The following HDAC9 variants were observed in gnomAD, a reference collection of about 807,000 sequenced individuals.
HDAC9 encodes the protein histone deacetylase 9.
A neutral mutation model predicts 139.4 loss-of-function variants in HDAC9; 41 were observed. The ratio of observed to expected loss-of-function variants is 0.29; its 90% CI spans 0.23 to 0.38. HDAC9 has a LOEUF of 0.38. HDAC9 is among the 10% of genes least tolerant of loss of function. The pLI is 1.00. For missense variants in HDAC9, 1,147 were observed against 1,297.0 expected (o/e 0.88, Z 1.78); for synonymous variants, 517 against 476.2 (o/e 1.09, Z -1.12).
At chr7:18,646,401 G>A (rs1787431566) in intron 9 of HDAC9, among the ~76,000 whole-genome samples, 1 of 152,112 alleles carries the variant, frequency 6.6e-6, no homozygotes, top group African/African-American at 2.4e-5. Flanking sequence ...ATGTGGTTTG[G>A]ATTAAAGTTT....
intron 4 of HDAC9, among the ~76,000 whole-genome samples, chr7:18,590,694 C>A (rs566828129): frequency 3.9e-4 from 59 of 152,240 alleles, no homozygotes; most frequent in African/African-American, 1.4e-3. Context: ...AAGAAGCAAA[C>A]GTAACATTAT....
At chr7:18,338,162 A>G (rs1458487366) in intron 1 of HDAC9, among the ~76,000 whole-genome samples, 1 of 151,758 alleles carries the variant, frequency 6.6e-6, no homozygotes, top group African/African-American at 2.4e-5. Context: ...AAGTAGAAAT[A>G]GAATGTGCAC....
intron 2 of HDAC9, among the ~76,000 whole-genome samples, chr7:18,533,759 T>A (rs1809873248): frequency 6.6e-6 from 1 of 152,194 alleles, no homozygotes; most frequent in Non-Finnish European, 1.5e-5. Flanking sequence ...CTTCTTCTCC[T>A]TTGTGTTCTC....
At chr7:18,197,760 C>T (rs1393970118) in intron 2 of HDAC9, among the ~76,000 whole-genome samples, 1 of 152,150 alleles carries the variant, frequency 6.6e-6, no homozygotes, top group Admixed American at 6.6e-5. Flanking sequence ...TTTTCCCTAG[C>T]TTTAAGTGTT....
At chr7:18,838,354 T>C (rs1796371724) in intron 21 of HDAC9, among the ~76,000 whole-genome samples, 1 of 152,034 alleles carries the variant, frequency 6.6e-6, no homozygotes. Context: ...TCAAGTATTG[T>C]TCAACCTGTG....
At chr7:18,744,528 T>TGAA (rs1256652285) in intron 13 of HDAC9, among the ~76,000 whole-genome samples, 1 of 152,280 alleles carries the variant, frequency 6.6e-6, no homozygotes, top group Admixed American at 6.5e-5. Context: ...AAATGCAATA[T>TGAA]GAAGTTGAAT....
intron 25 of HDAC9, among the ~76,000 whole-genome samples, chr7:18,991,448 T>A (rs199777306): frequency 6.6e-6 from 1 of 152,116 alleles, no homozygotes; most frequent in Non-Finnish European, 1.5e-5. Flanking sequence ...CCATCCTGGC[T>A]AACACGGTGA....
intron 2 of HDAC9, among the ~76,000 whole-genome samples, chr7:18,175,501 A>T (rs537921389): frequency 2.6e-5 from 4 of 152,260 alleles, no homozygotes; most frequent in Admixed American, 2.6e-4. Flanking sequence ...TGAACCAGGC[A>T]TCTCAGTTGG....
chr7:18,683,994 C>T (rs1208922001), intron 12 of HDAC9, among the ~76,000 whole-genome samples: 1 of 151,966 alleles, frequency 6.6e-6, no homozygotes, highest in Non-Finnish European at 1.5e-5. Context: ...CAGTGGCTCA[C>T]ACCAATAATC....
intron 23 of HDAC9, among the ~76,000 whole-genome samples, chr7:18,953,280 C>T (rs1449835849): frequency 6.6e-6 from 1 of 152,030 alleles, no homozygotes; most frequent in Non-Finnish European, 1.5e-5. Context: ...ACTTTATTTG[C>T]TTTTTGGGTC....
At chr7:18,173,592 G>C (rs1255331865) in intron 2 of HDAC9, among the ~76,000 whole-genome samples, 1 of 152,114 alleles carries the variant, frequency 6.6e-6, no homozygotes, top group African/African-American at 2.4e-5. Context: ...GGCTGGTACC[G>C]GTTTTTCCTT....
chr7:18,321,770 A>G (rs1305471378), intron 1 of HDAC9, among the ~76,000 whole-genome samples: 2 of 152,120 alleles, frequency 1.3e-5, no homozygotes, highest in East Asian at 1.9e-4. Context: ...CCCAGATGAG[A>G]CGCGCCCTGG....
chr7:18,454,930 C>A (rs1204349058), intron 1 of HDAC9, among the ~76,000 whole-genome samples: 2 of 151,970 alleles, frequency 1.3e-5, no homozygotes, highest in African/African-American at 4.8e-5. Context: ...CTTTGTCTTA[C>A]CTAAAAATGG....
At chr7:18,451,504 A>C (rs1397647415) in intron 1 of HDAC9, among the ~76,000 whole-genome samples, 2 of 151,578 alleles carry the variant, frequency 1.3e-5, no homozygotes, top group South Asian at 2.1e-4. Flanking sequence ...CATTAGATAG[A>C]TATGCATAAA....
chr7:18,798,875 A>G (rs866280504), intron 17 of HDAC9, among the ~76,000 whole-genome samples: 14 of 152,164 alleles, frequency 9.2e-5, no homozygotes, highest in African/African-American at 2.9e-4. Flanking sequence ...AGCCACATGT[A>G]TGATAGGGCT....
In HDAC9 at chr7:18,555,706, C is replaced by G. The variant is rs556071482; in HGVS notation, c.23-29575C>G. Among the ~76,000 whole-genome samples the G allele has an allele frequency of 4.6e-5, 7 of 152,064 alleles. No homozygotes were observed. The South Asian group carries it at 1.5e-3, about 32-fold the overall frequency. ...TCTGTATTTTATTATTTCCTAATTT[C>G]TACAATACCCATTTACAGATGTAAT... is the stretch of plus-strand genomic sequence containing the variant. On this transcript the variant is annotated intron_variant, in intron 2 of 25. Transcript: ENST00000686413.
At chr7:18,905,955 C>T (rs1288253113) in intron 22 of HDAC9, among the ~76,000 whole-genome samples, 2 of 146,426 alleles carry the variant, frequency 1.4e-5, no homozygotes, top group African/African-American at 5.1e-5. Context: ...TTCTTTCCTT[C>T]ATTCCTTCCT....
Position 18,620,765 on chromosome 7 carries a change from C to T in HDAC9, c.665-8585C>T, listed in dbSNP as rs1479086002. ...ACCATGCTCCTGTTACTTACGGCCC[C>T]GATATTGTCTTCCCATCCTACTCTG... On this transcript the variant is annotated intron_variant, in intron 6 of 25. Transcript: ENST00000686413. 4.6e-5 allele frequency among the ~76,000 whole-genome samples: 7 copies of T among 152,158 alleles called. No homozygotes were observed. The South Asian group carries it at 8.3e-4, about 18-fold the overall frequency.
chr7:18,389,489 T>C (rs1440302630), intron 1 of HDAC9, among the ~76,000 whole-genome samples: 1 of 152,082 alleles, frequency 6.6e-6, no homozygotes, highest in East Asian at 1.9e-4. Flanking sequence ...TCTGGACGAG[T>C]GCTCATGGTC....
Sources: allele counts gnomAD v4.1 joint callset (sites outside exome capture counted in the v4.1 genomes callset), GRCh38; gene constraint gnomAD v4.1.1; transcripts MANE v1.5; gene names NCBI Gene and HGNC (gene_info 2026-07-23, HGNC 2026-07-21).